The following VRK2 variants were observed in gnomAD, a reference collection of about 807,000 sequenced individuals.
The protein encoded by VRK2 is VRK serine/threonine kinase 2, also known as serine/threonine-protein kinase VRK2.
Under a neutral mutation model 57.6 loss-of-function variants are expected in VRK2, and 60 were observed. That is an observed-to-expected ratio of 1.04 (90% CI 0.85 to 1.29). The LOEUF (loss-of-function observed/expected upper bound fraction) is 1.29. VRK2 is among the 50% of genes most tolerant of loss of function. VRK2 has a pLI of 0.00. For synonymous variants in VRK2, 231 were observed against 199.2 expected, an observed-to-expected ratio of 1.16 and a Z score of -1.35; for missense variants, 705 against 588.1, an observed-to-expected ratio of 1.20 and a Z score of -2.06.
chr2:58,110,778 T>C (rs1164319831), intron 7 of VRK2, among the ~76,000 whole-genome samples: 2 of 152,102 alleles, frequency 1.3e-5, no homozygotes, highest in East Asian at 3.8e-4. Context: ...AGAGGCAGAA[T>C]TGAGGAGGGA....
intron 10 of VRK2, among the ~76,000 whole-genome samples, chr2:58,137,204 C>CATATATATGATACATGTATATCAT (rs1301654797): frequency 1.9e-4 from 3 of 16,086 alleles, no homozygotes; most frequent in South Asian, 2.5e-3. Flanking sequence ...ATATATATCT[C>CATATATATGATACATGTATATCAT]ATATATGATA....
At chr2:57,913,882 G>A (rs1027372182) in intron 1 of VRK2, among the ~76,000 whole-genome samples, 3 of 151,856 alleles carry the variant, frequency 2.0e-5, no homozygotes, top group African/African-American at 4.8e-5. Context: ...TTATATGTAA[G>A]TATTTAATAA....
intron 1 of VRK2, among the ~76,000 whole-genome samples, chr2:57,947,872 TTC>T (rs1491304334): frequency 6.6e-6 from 1 of 152,184 alleles, no homozygotes; most frequent in African/African-American, 2.4e-5. Context: ...ACTTTTCCTT[TTC>T]TCTCTCTTTC....
chr2:58,044,997 C>G (rs1458469935), upstream of VRK2, among the ~76,000 whole-genome samples: 1 of 152,116 alleles, frequency 6.6e-6, no homozygotes, highest in African/African-American at 2.4e-5. Flanking sequence ...CTCCCAAACC[C>G]CCAACAAAGA....
chr2:58,046,374 CCCT>C (rs1399250897), upstream of VRK2: 1 of 515,692 alleles, frequency 1.9e-6, no homozygotes. Flanking sequence ...TACATACAGG[CCCT>C]CCTAACTGGA....
intron 7 of VRK2, among the ~76,000 whole-genome samples, chr2:58,093,508 G>T (rs1672672766): frequency 6.6e-6 from 1 of 152,078 alleles, no homozygotes. Flanking sequence ...TTTTGATGGG[G>T]TTGTTTGTTT....
At chr2:57,939,540 G>A (rs1387858163) in intron 1 of VRK2, among the ~76,000 whole-genome samples, 1 of 152,108 alleles carries the variant, frequency 6.6e-6, no homozygotes, top group African/African-American at 2.4e-5. Flanking sequence ...ACACATGGCT[G>A]CACAGAGCAC....
chr2:58,064,259 A>G (rs1428069211), intron 2 of VRK2, among the ~76,000 whole-genome samples: 1 of 152,128 alleles, frequency 6.6e-6, no homozygotes, highest in Non-Finnish European at 1.5e-5. Context: ...TAAAATGCTA[A>G]CAAACAACAT....
intron 7 of VRK2, among the ~76,000 whole-genome samples, chr2:58,109,545 G>A (rs1675248138): frequency 1.3e-5 from 2 of 152,202 alleles, no homozygotes; most frequent in Non-Finnish European, 2.9e-5. Context: ...ATGGCAGAAG[G>A]GGAAGCAAAT....
intron 7 of VRK2, among the ~76,000 whole-genome samples, chr2:58,109,348 TAGC>T (rs1429619870): frequency 1.3e-5 from 2 of 151,740 alleles, no homozygotes; most frequent in East Asian, 3.9e-4. Flanking sequence ...ATTGTTAAAA[TAGC>T]AGATTCATGT....
intron 7 of VRK2, among the ~76,000 whole-genome samples, chr2:58,114,941 G>A (rs925825391): frequency 3.3e-5 from 5 of 152,130 alleles, no homozygotes; most frequent in Middle Eastern, 3.2e-3. Context: ...TAATTTGCCC[G>A]TCCTGGGTGG....
At chr2:58,148,855 C>T (rs1207938904) in intron 12 of VRK2, among the ~76,000 whole-genome samples, 1 of 151,798 alleles carries the variant, frequency 6.6e-6, no homozygotes, top group African/African-American at 2.4e-5. Context: ...TTCTATTCTA[C>T]TTGTCTCTCC....
At chr2:57,955,369 A>G (rs1671549755) in intron 1 of VRK2, among the ~76,000 whole-genome samples, 1 of 151,798 alleles carries the variant, frequency 6.6e-6, no homozygotes, top group South Asian at 2.1e-4. Context: ...ATATGCAAAC[A>G]CATAAATATA....
chr2:58,041,733 A>G (rs984176592), upstream of VRK2, among the ~76,000 whole-genome samples: 2 of 152,148 alleles, frequency 1.3e-5, no homozygotes, highest in African/African-American at 4.8e-5. Context: ...TTTAAGTCTG[A>G]TAAGAAACAT....
chr2:57,999,369 C>T (rs927284924), intron 1 of VRK2, among the ~76,000 whole-genome samples: 14 of 152,150 alleles, frequency 9.2e-5, no homozygotes, highest in Non-Finnish European at 2.1e-4. Context: ...TTTGATAATA[C>T]ATATCAAAAA....
chr2:58,050,155 C>T (rs913450787), intron 2 of VRK2, among the ~76,000 whole-genome samples: 14 of 151,742 alleles, frequency 9.2e-5, no homozygotes, highest in Non-Finnish European at 1.8e-4. Context: ...CATTAAAATA[C>T]GTTAAAAGAA....
chr2:57,930,251 G>A (rs1670675349), intron 1 of VRK2, among the ~76,000 whole-genome samples: 1 of 152,130 alleles, frequency 6.6e-6, no homozygotes, highest in Non-Finnish European at 1.5e-5. Flanking sequence ...CTATTGTGAT[G>A]GGCAATTCTC....
chr2:58,114,465 C>CAATG (rs1676108113), intron 7 of VRK2, among the ~76,000 whole-genome samples: 2 of 145,178 alleles, frequency 1.4e-5, no homozygotes, highest in Admixed American at 6.9e-5. Context: ...GTCTGGTGTC[C>CAATG]AATGAGACTG....
rs546372671 is a variant in VRK2 at position 58,132,014 on chromosome 2, C to G, written c.797+86C>G. ...GAGCTAACAACACAGAGAAGATTGG[C>G]ATTCACCCAACATGACAACCAAAGC... On this transcript the variant is annotated intron_variant, in intron 9 of 12. Coordinates refer to ENST00000340157, the MANE Select transcript of VRK2 (RefSeq NM_006296.7). The G allele has an allele frequency of 1.1e-4, 173 of 1,505,836 alleles. 1 individual carries two copies. The African/African-American group carries it at 1.8e-3, about 15-fold the overall frequency. 93.3% of individuals were successfully genotyped at this position (1,505,836 alleles called of 1,614,324 possible).
Sources: gnomAD v4.1 joint callset for allele counts (sites outside exome capture counted in the v4.1 genomes callset) on GRCh38, gnomAD v4.1.1 for gene constraint, MANE v1.5 for transcripts, NCBI Gene and HGNC (gene_info 2026-07-23, HGNC 2026-07-21) for gene names.